The following CDH12 variants were observed in gnomAD, a reference collection of about 807,000 sequenced individuals.
CDH12 encodes cadherin 12.
Under a neutral mutation model 74.1 loss-of-function variants are expected in CDH12, and 41 were observed. The observed-to-expected ratio is 0.55, with a 90% CI of 0.43 to 0.72. The LOEUF is 0.72. Among genes scored for constraint, CDH12 ranks in the 30% least tolerant of loss-of-function variants. The pLI, the probability that CDH12 is intolerant of heterozygous loss-of-function variation, is 0.00. For missense variants in CDH12, 945 were observed against 977.2 expected (o/e 0.97, Z 0.44); for synonymous variants, 399 against 355.0 (o/e 1.12, Z -1.39).
Position 22,675,986 on chromosome 5 carries a change from G to T in CDH12, c.-522-170622C>A, listed in dbSNP as rs1304144311. Among the ~76,000 whole-genome samples the T allele has an allele frequency of 2.7e-5, 4 of 149,348 alleles. No individual in the cohort carries two copies. The South Asian group carries it at 8.5e-4, about 32-fold the overall frequency. On this transcript the variant is annotated intron_variant, in intron 1 of 14. Coordinates refer to ENST00000382254, the MANE Select transcript of CDH12 (RefSeq NM_004061.5). ...TAGAAATATCTTCAGATCCATTAAG[G>T]AACACAGAAAGCAGTAAAGCAGTAT...
chr5:22,100,656 C>CAT (rs1446604133), intron 4 of CDH12, among the ~76,000 whole-genome samples: 1 of 150,492 alleles, frequency 6.6e-6, no homozygotes, highest in Non-Finnish European at 1.5e-5. Context: ...ACATTAGACA[C>CAT]ACACACACAC....
chr5:22,815,928 G>A (rs1014328807), intron 1 of CDH12, among the ~76,000 whole-genome samples: 8 of 151,930 alleles, frequency 5.3e-5, no homozygotes, highest in African/African-American at 1.9e-4. Context: ...AATTAATTAT[G>A]TTCTAGGTTT....
intron 1 of CDH12, among the ~76,000 whole-genome samples, chr5:22,802,922 A>C (rs1456243011): frequency 1.3e-5 from 2 of 152,206 alleles, no homozygotes; most frequent in African/African-American, 2.4e-5. Context: ...ATTCAAGGGT[A>C]AACCTTCATA....
intron 4 of CDH12, among the ~76,000 whole-genome samples, chr5:22,085,460 T>C (rs905477195): frequency 1.3e-5 from 2 of 152,190 alleles, no homozygotes; most frequent in African/African-American, 2.4e-5. Flanking sequence ...CTATTATGGG[T>C]AGCATTCTAA....
At position 22,841,958 on chromosome 5, in the gene CDH12, C is replaced by T. The variant is rs187097996; in HGVS notation, c.-523+11100G>A. Among the ~76,000 whole-genome samples, 15 of 152,132 alleles carry T rather than the reference C, an allele frequency of 9.9e-5. No individual in the cohort carries two copies. In the South Asian group the frequency reaches 2.5e-3, roughly 25 times the overall value. The stretch of plus-strand genomic sequence containing the variant: ...ACATTCAGCTATAACCACATGGTTC[C>T]GCATGCATCCCATGCATAATAAAAT... On this transcript the variant is annotated intron_variant, in intron 1 of 14. Transcript: ENST00000382254.
intron 6 of CDH12, among the ~76,000 whole-genome samples, chr5:21,859,390 C>T (rs1750915775): frequency 6.6e-6 from 1 of 151,876 alleles, no homozygotes; most frequent in Non-Finnish European, 1.5e-5. Context: ...AAAACCCACT[C>T]ACTATCATGA....
At chr5:22,279,635 T>C (rs755506842) in intron 3 of CDH12, among the ~76,000 whole-genome samples, 13 of 152,160 alleles carry the variant, frequency 8.5e-5, no homozygotes, top group Non-Finnish European at 1.8e-4. Context: ...TGTTTGGGTT[T>C]TTGTCCTTGC....
intron 4 of CDH12, among the ~76,000 whole-genome samples, chr5:22,211,806 G>T (rs1751562596): frequency 6.7e-6 from 1 of 150,338 alleles, no homozygotes; most frequent in African/African-American, 2.4e-5. Context: ...TCTTATTGAA[G>T]AATTCTTTCA....
At chr5:22,554,123 G>A (rs1382241964) in intron 1 of CDH12, among the ~76,000 whole-genome samples, 1 of 152,022 alleles carries the variant, frequency 6.6e-6, no homozygotes, top group African/African-American at 2.4e-5. Flanking sequence ...TATGGAGACA[G>A]TAAAAAGATC....
At chr5:22,757,982 A>G (rs757304275) in intron 1 of CDH12, among the ~76,000 whole-genome samples, 3 of 152,176 alleles carry the variant, frequency 2.0e-5, no homozygotes, top group Non-Finnish European at 4.4e-5. Flanking sequence ...CTTTTATGTG[A>G]TAGAATGTGG....
intron 1 of CDH12, among the ~76,000 whole-genome samples, chr5:22,650,592 G>T (rs572325214): frequency 6.6e-6 from 1 of 152,184 alleles, no homozygotes; most frequent in African/African-American, 2.4e-5. Context: ...TTAGAAGTTA[G>T]AAGGAAAAGA....
At chr5:21,995,651 GA>G (rs1298914471) in intron 5 of CDH12, among the ~76,000 whole-genome samples, 2 of 151,712 alleles carry the variant, frequency 1.3e-5, no homozygotes, top group Middle Eastern at 3.4e-3. Context: ...GCACATACAG[GA>G]AGTATCACCG....
intron 3 of CDH12, among the ~76,000 whole-genome samples, chr5:22,282,533 T>G (rs1222162330): frequency 1.3e-5 from 2 of 150,256 alleles, no homozygotes; most frequent in Non-Finnish European, 3.0e-5. Flanking sequence ...ACAAGGAACT[T>G]AAATTTACAA....
At chr5:22,488,966 T>C (rs965681145) in intron 2 of CDH12, among the ~76,000 whole-genome samples, 5 of 151,690 alleles carry the variant, frequency 3.3e-5, no homozygotes, top group African/African-American at 1.2e-4. Flanking sequence ...TTAAATTATC[T>C]GATTTTTAAA....
At position 22,212,493 on chromosome 5, in the gene CDH12, C is replaced by G. The variant is rs1358269289; in HGVS notation, c.-187+5G>C. On this transcript the variant is annotated splice_donor_5th_base_variant and intron_variant, in intron 4 of 14. Coordinates refer to ENST00000382254, the MANE Select transcript of CDH12 (RefSeq NM_004061.5). ...ATGCAGTCACCCGGATAAAGCAGCA[C>G]TTACCTTAATTGAAATTTTCTCTGT... 1 of 965,742 alleles carries G rather than the reference C, an allele frequency of 1.0e-6. No individual in the cohort carries two copies. The highest frequency in any genetic ancestry group is 1.8e-5 in the African/African-American group (1 of 56,770). 59.8% of individuals were successfully genotyped at this position (965,742 alleles called of 1,614,324 possible).
chr5:21,839,954 A>G (rs1324370997), intron 8 of CDH12, among the ~76,000 whole-genome samples: 1 of 152,170 alleles, frequency 6.6e-6, no homozygotes, highest in Non-Finnish European at 1.5e-5. Context: ...GTGAGAACTC[A>G]TTTTCAACAA....
intron 11 of CDH12, among the ~76,000 whole-genome samples, chr5:21,776,672 AC>A (rs925673182): frequency 2.6e-5 from 4 of 152,166 alleles, no homozygotes; most frequent in African/African-American, 9.7e-5. Context: ...ATTCAAGGGC[AC>A]CATATTGAGA....
chr5:22,408,852 A>T (rs942703847), intron 2 of CDH12, among the ~76,000 whole-genome samples: 13 of 151,574 alleles, frequency 8.6e-5, no homozygotes, highest in East Asian at 7.8e-4. Context: ...TTCCCCCATG[A>T]TGGTGGACAA....
chr5:21,788,299 C>G (rs1330165695), intron 10 of CDH12, among the ~76,000 whole-genome samples: 3 of 151,996 alleles, frequency 2.0e-5, no homozygotes, highest in Non-Finnish European at 4.4e-5. Flanking sequence ...GGAAATCATC[C>G]AAGAGGAGGT....
Sources: allele counts gnomAD v4.1 joint callset (sites outside exome capture counted in the v4.1 genomes callset), GRCh38; gene constraint gnomAD v4.1.1; transcripts MANE v1.5; gene names NCBI Gene and HGNC (gene_info 2026-07-23, HGNC 2026-07-21).